The following SNTG1 variants were observed in gnomAD, a reference collection of about 807,000 sequenced individuals.
SNTG1 encodes the protein gamma-1-syntrophin.
A neutral mutation model predicts 74.7 loss-of-function variants in SNTG1; 39 were observed. The observed-to-expected ratio is 0.52, with a 90% confidence interval of 0.40 to 0.68. The LOEUF is 0.68. SNTG1 is among the 30% of genes least tolerant of loss of function. SNTG1 has a pLI of 0.00. For missense variants in SNTG1, 685 were observed against 609.5 expected (o/e 1.12, Z -1.30); for synonymous variants, 254 against 217.1 (o/e 1.17, Z -1.49).
chr8:50,509,938 A>G (rs2129903065), intron 9 of SNTG1, among the ~76,000 whole-genome samples: 1 of 152,276 alleles, frequency 6.6e-6, no homozygotes, highest in Admixed American at 6.5e-5. Flanking sequence ...TCCTGTGCAG[A>G]GCTTCCAACA....
At chr8:50,701,659 T>TCTG (rs1443684263) in intron 15 of SNTG1, among the ~76,000 whole-genome samples, 1 of 143,436 alleles carries the variant, frequency 7.0e-6, no homozygotes, top group Non-Finnish European at 1.5e-5. Flanking sequence ...TTTTTCTTCC[T>TCTG]CTTCTTCTTC....
intron 11 of SNTG1, among the ~76,000 whole-genome samples, chr8:50,540,978 A>C (rs1316283463): frequency 1.3e-5 from 2 of 151,926 alleles, no homozygotes; most frequent in Non-Finnish European, 2.9e-5. Context: ...AAAGTAACAA[A>C]CTTGGTCATT....
intron 1 of SNTG1, among the ~76,000 whole-genome samples, chr8:50,009,266 T>C (rs553406188): frequency 2.0e-5 from 3 of 152,194 alleles, no homozygotes; most frequent in Non-Finnish European, 4.4e-5. Context: ...CATGCTTTTG[T>C]CAACTTTAAT....
intron 2 of SNTG1, among the ~76,000 whole-genome samples, chr8:50,296,773 T>G (rs2089398777): frequency 6.6e-6 from 1 of 151,722 alleles, no homozygotes. Flanking sequence ...AGAATTTAAG[T>G]AAAATAAAAA....
At chr8:50,783,685 G>T (rs1041476660) in intron 18 of SNTG1, among the ~76,000 whole-genome samples, 8 of 152,276 alleles carry the variant, frequency 5.3e-5, no homozygotes, top group Admixed American at 4.6e-4. Flanking sequence ...TTCGGCTTGT[G>T]CACGGTGCGC....
chr8:50,577,434 A>C (rs1317527043), intron 12 of SNTG1, among the ~76,000 whole-genome samples: 7 of 151,114 alleles, frequency 4.6e-5, no homozygotes, highest in Non-Finnish European at 7.4e-5. Context: ...GTTCATAAAT[A>C]ATATTGGTCC....
chr8:50,207,177 CTG>C (rs1563739863), intron 2 of SNTG1, among the ~76,000 whole-genome samples: 1 of 152,162 alleles, frequency 6.6e-6, no homozygotes, highest in Non-Finnish European at 1.5e-5. Context: ...TAGAATTCGA[CTG>C]TGAATCCCTC....
At chr8:50,089,501 T>C (rs961656172) in intron 1 of SNTG1, among the ~76,000 whole-genome samples, 6 of 151,880 alleles carry the variant, frequency 4.0e-5, no homozygotes, top group Non-Finnish European at 8.8e-5. Flanking sequence ...TTTTGCAACC[T>C]ACTCACCTGA....
At chr8:50,462,405 A>G (rs62515687) in intron 8 of SNTG1, among the ~76,000 whole-genome samples, 14 of 151,574 alleles carry the variant, frequency 9.2e-5, no homozygotes, top group Non-Finnish European at 1.8e-4. Context: ...GTTTGCCTCA[A>G]TGTTGATGAC....
At chr8:50,550,754 G>A (rs373633506) in intron 11 of SNTG1, among the ~76,000 whole-genome samples, 35 of 152,044 alleles carry the variant, frequency 2.3e-4, no homozygotes, top group African/African-American at 8.2e-4. Context: ...CGTTAATGCT[G>A]TAAAAGTTTA....
intron 2 of SNTG1, among the ~76,000 whole-genome samples, chr8:50,175,960 C>G (rs2082984800): frequency 6.6e-6 from 1 of 152,138 alleles, no homozygotes; most frequent in East Asian, 1.9e-4. Context: ...GCATGAGGAA[C>G]CCTGAGAGCC....
At chr8:50,102,633 C>T (rs915440006) in intron 1 of SNTG1, among the ~76,000 whole-genome samples, 2 of 148,740 alleles carry the variant, frequency 1.3e-5, no homozygotes, top group African/African-American at 5.1e-5. Flanking sequence ...AAGTCCTTGC[C>T]CATGCCTATG....
At chr8:50,691,409 G>A (rs2095378672) in intron 15 of SNTG1, among the ~76,000 whole-genome samples, 1 of 152,134 alleles carries the variant, frequency 6.6e-6, no homozygotes, top group Non-Finnish European at 1.5e-5. Flanking sequence ...TCCTTGTTTA[G>A]TGCTTCCTTC....
At position 50,411,462 on chromosome 8, in the gene SNTG1, A is replaced by G. The variant is rs2092947980; in HGVS notation, c.162+9118A>G. On this transcript the variant is annotated intron_variant, in intron 4 of 18. Coordinates refer to ENST00000642720, the MANE Select transcript of SNTG1 (RefSeq NM_018967.5). ...GACTCCATCTCAAAAAAAAAAAATA[A>G]AAAGACTCCATCTCAAAAAAAAAAT... is the stretch of plus-strand genomic sequence containing the variant. Among the ~76,000 whole-genome samples the G allele has an allele frequency of 2.0e-5, 3 of 151,330 alleles. No individual in the cohort carries two copies. In the South Asian group the frequency reaches 6.2e-4, roughly 31 times the overall value.
At chr8:50,723,673 G>A (rs1377256150) in intron 17 of SNTG1, among the ~76,000 whole-genome samples, 1 of 152,088 alleles carries the variant, frequency 6.6e-6, no homozygotes, top group Non-Finnish European at 1.5e-5. Context: ...TCCCCTGCAT[G>A]CCAGTAACTC....
In SNTG1 at chr8:50,520,975, A is replaced by G. The variant is rs939448505; in HGVS notation, c.467-9202A>G. Among the ~76,000 whole-genome samples, 4 of 152,332 alleles carry G rather than the reference A, an allele frequency of 2.6e-5. No homozygotes were observed. The East Asian group carries it at 7.7e-4, about 29-fold the overall frequency. On this transcript the variant is annotated intron_variant, in intron 9 of 18. Transcript: ENST00000642720. The stretch of plus-strand genomic sequence containing the variant: ...CTACTATAAGGACATATGCACACAT[A>G]TGTTTATTGCAGCAGTATTTACAAT...
chr8:50,778,079 C>T (rs1440595063), intron 18 of SNTG1, among the ~76,000 whole-genome samples: 1 of 152,164 alleles, frequency 6.6e-6, no homozygotes, highest in African/African-American at 2.4e-5. Context: ...ATATGTGCCA[C>T]ATTTTCTTAA....
rs2095491974 is a variant in SNTG1 at position 50,723,216 on chromosome 8, AG to A, written c.1284+14240del. Among the ~76,000 whole-genome samples, 4 of 152,172 alleles carry A rather than the reference AG, an allele frequency of 2.6e-5. No individual in the cohort carries two copies. In the South Asian group the frequency reaches 8.3e-4, roughly 31 times the overall value. ...TCTGGTCTGTAATTACTTAATATAA[AG>A]GTTTTGGGTCAAATTCCAGGCTTTA... On this transcript the variant is annotated intron_variant, in intron 17 of 18. Coordinates refer to ENST00000642720, the MANE Select transcript of SNTG1 (RefSeq NM_018967.5).
chr8:50,613,292 G>A (rs9298342), intron 13 of SNTG1, among the ~76,000 whole-genome samples: 125,921 of 152,106 alleles, frequency 0.83, 52,638 homozygotes, highest in African/African-American at 0.94. Flanking sequence ...TGAGTTTAGG[G>A]TACCTTTATT....
Sources: allele counts gnomAD v4.1 joint callset (sites outside exome capture counted in the v4.1 genomes callset), GRCh38; gene constraint gnomAD v4.1.1; transcripts MANE v1.5; gene names NCBI Gene and HGNC (gene_info 2026-07-23, HGNC 2026-07-21).